Variants in MARK1 observed in about 807,000 individuals in gnomAD.
The protein encoded by MARK1 is serine/threonine-protein kinase MARK1.
A neutral mutation model predicts 96.3 loss-of-function variants in MARK1; 40 were observed. The observed-to-expected ratio is 0.42, with a 90% CI of 0.32 to 0.54. The LOEUF (loss-of-function observed/expected upper bound fraction) is 0.54, where lower values mean the gene tolerates loss of function less well. MARK1 is among the 20% of genes least tolerant of loss of function. MARK1 has a pLI of 0.16. For missense variants in MARK1, 719 were observed against 984.6 expected, an observed-to-expected ratio of 0.73 and a Z score of 3.61; for synonymous variants, 317 against 341.2, an observed-to-expected ratio of 0.93 and a Z score of 0.78.
At chr1:220,629,279 G>T (rs1667532751) in intron 9 of MARK1, among the ~76,000 whole-genome samples, 1 of 150,444 alleles carries the variant, frequency 6.6e-6, no homozygotes, top group Non-Finnish European at 1.5e-5. Context: ...AATTAATACA[G>T]AATTATTCAA....
At chr1:220,612,451 A>G (rs748233280) in intron 6 of MARK1, among the ~76,000 whole-genome samples, 1 of 152,184 alleles carries the variant, frequency 6.6e-6, no homozygotes, top group South Asian at 2.1e-4. Flanking sequence ...TGAATGCTAT[A>G]TAAATTGTAA....
chr1:220,535,465 T>A (rs1194843995), intron 1 of MARK1, among the ~76,000 whole-genome samples: 1 of 152,120 alleles, frequency 6.6e-6, no homozygotes, highest in African/African-American at 2.4e-5. Context: ...CATACTGTAG[T>A]GTGCTTTTTC....
At chr1:220,545,439 GTTTTTTTTTTTT>G (rs35422682) in intron 1 of MARK1, among the ~76,000 whole-genome samples, 2 of 87,260 alleles carry the variant, frequency 2.3e-5, no homozygotes. Context: ...CTTTCTCATG[GTTTTTTTTTTTT>G]TTTTTTTTTT....
intron 9 of MARK1, chr1:220,626,860 A>G: frequency 2.3e-6 from 1 of 438,012 alleles, no homozygotes; most frequent in South Asian, 2.0e-5. Flanking sequence ...TGCCAAGTGT[A>G]TGGAATTTGT....
At position 220,575,649 on chromosome 1, in the gene MARK1, A is replaced by G. The variant is rs73093534; in HGVS notation, c.52-3705A>G. ...AGAATATATAATATATTCAGAATGT[A>G]TAATATATGTAATATAAAATATATG... On this transcript the variant is annotated intron_variant, in intron 1 of 17. Coordinates refer to ENST00000366917, the MANE Select transcript of MARK1 (RefSeq NM_018650.5). 3.6e-3 allele frequency among the ~76,000 whole-genome samples: 554 copies of G among 152,154 alleles called. 5 individuals carry two copies. The highest frequency in any genetic ancestry group is 0.013 in the African/African-American group (523 of 41,538).
intron 9 of MARK1, chr1:220,626,938 C>CT: frequency 2.0e-6 from 1 of 502,518 alleles, no homozygotes; most frequent in Admixed American, 2.3e-5. Context: ...TTGCCTAGTG[C>CT]TGGACATATG....
chr1:220,579,633 T>TA, intron 2 of MARK1, 76 bp downstream of exon 2: 1 of 1,185,086 alleles, frequency 8.4e-7, no homozygotes. Flanking sequence ...ATAGCCCATG[T>TA]TTGGGAGTAA....
At chr1:220,622,160 T>TA (rs2102981026) in intron 9 of MARK1, among the ~76,000 whole-genome samples, 1 of 152,308 alleles carries the variant, frequency 6.6e-6, no homozygotes, top group Non-Finnish European at 1.5e-5. Flanking sequence ...GGGTTTTTTT[T>TA]AACCCATTTA....
intron 16 of MARK1, 152 bp downstream of exon 16, chr1:220,653,504 G>A: frequency 1.3e-6 from 1 of 764,480 alleles, no homozygotes; most frequent in Non-Finnish European, 1.9e-6. Flanking sequence ...AAAAAATCTA[G>A]GAAGACATAA....
chr1:220,631,944 T>C (rs561869951), intron 10 of MARK1, among the ~76,000 whole-genome samples: 2 of 152,290 alleles, frequency 1.3e-5, no homozygotes, highest in East Asian at 3.9e-4. Flanking sequence ...CAGGAATGTA[T>C]TAGGCAATGA....
At chr1:220,603,443 G>A (rs985043465) in intron 5 of MARK1, among the ~76,000 whole-genome samples, 3 of 152,004 alleles carry the variant, frequency 2.0e-5, no homozygotes, top group Non-Finnish European at 4.4e-5. Flanking sequence ...ATATTATGAT[G>A]ATTTTCAAGT....
intron 3 of MARK1, among the ~76,000 whole-genome samples, chr1:220,597,631 T>G (rs907006412): frequency 6.6e-6 from 1 of 152,206 alleles, no homozygotes; most frequent in African/African-American, 2.4e-5. Flanking sequence ...AATTTTTGGT[T>G]CTCCTATTTT....
chr1:220,555,612 A>G (rs996134703), intron 1 of MARK1, among the ~76,000 whole-genome samples: 3 of 152,232 alleles, frequency 2.0e-5, no homozygotes, highest in Non-Finnish European at 4.4e-5. Context: ...TGATTTTTAG[A>G]TGTAGAACCA....
intron 1 of MARK1, among the ~76,000 whole-genome samples, chr1:220,543,509 TA>T (rs1180570191): frequency 1.3e-5 from 2 of 152,198 alleles, no homozygotes; most frequent in African/African-American, 2.4e-5. Flanking sequence ...ATTTTGAAGC[TA>T]AAAATACCTT....
At chr1:220,601,693 G>A (rs1665758405) in intron 5 of MARK1, among the ~76,000 whole-genome samples, 1 of 152,110 alleles carries the variant, frequency 6.6e-6, no homozygotes, top group South Asian at 2.1e-4. Context: ...TTTTATAAAG[G>A]CCCACTGCAA....
chr1:220,649,238 T>C (rs75427457), intron 13 of MARK1, among the ~76,000 whole-genome samples: 1 of 151,840 alleles, frequency 6.6e-6, no homozygotes, highest in Non-Finnish European at 1.5e-5. Flanking sequence ...TTTTTTTTTT[T>C]TGGGGGACAG....
At chr1:220,655,355 A>T (rs779410376) in intron 16 of MARK1, among the ~76,000 whole-genome samples, 1 of 152,112 alleles carries the variant, frequency 6.6e-6, no homozygotes, top group Non-Finnish European at 1.5e-5. Context: ...TTTCTGCTGA[A>T]CTGCAGACTC....
intron 3 of MARK1, among the ~76,000 whole-genome samples, chr1:220,595,842 A>G (rs1665299899): frequency 6.6e-6 from 1 of 152,164 alleles, no homozygotes; most frequent in African/African-American, 2.4e-5. Context: ...GTAGACGTTG[A>G]TGGATTTGAG....
chr1:220,594,840 G>T (rs1352371484), intron 3 of MARK1, among the ~76,000 whole-genome samples: 1 of 152,140 alleles, frequency 6.6e-6, no homozygotes, highest in East Asian at 1.9e-4. Context: ...ACAATAAAAA[G>T]ATCAATGGTT....
Sources: allele counts gnomAD v4.1 joint callset (sites outside exome capture counted in the v4.1 genomes callset), GRCh38; gene constraint gnomAD v4.1.1; transcripts MANE v1.5; gene names NCBI Gene and HGNC (gene_info 2026-07-23, HGNC 2026-07-21).